The following BANP variants were observed in gnomAD, a reference collection of about 807,000 sequenced individuals.
BANP encodes the protein BTG3 associated nuclear protein, also known as protein BANP.
BANP carries 11 observed loss-of-function variants against 68.1 expected under a neutral mutation model. The ratio of observed to expected loss-of-function variants is 0.16; its 90% CI spans 0.10 to 0.27. BANP has a LOEUF of 0.27. BANP is among the 10% of genes least tolerant of loss of function. The pLI, the probability that BANP is intolerant of heterozygous loss-of-function variation, is 1.00. For synonymous variants in BANP, 329 were observed against 303.2 expected (o/e 1.09, Z -0.88); for missense variants, 504 against 722.7 (o/e 0.70, Z 3.47).
At chr16:88,024,160 G>A (rs535313144) in intron 7 of BANP, among the ~76,000 whole-genome samples, 11 of 152,186 alleles carry the variant, frequency 7.2e-5, no homozygotes, top group Admixed American at 2.6e-4. Flanking sequence ...GCAGAGTCAC[G>A]TGTGCGGGGC....
At chr16:88,048,619 C>T (rs987857849) in intron 11 of BANP, among the ~76,000 whole-genome samples, 1 of 151,642 alleles carries the variant, frequency 6.6e-6, no homozygotes, top group African/African-American at 2.4e-5. Context: ...ATTAAATCTG[C>T]ACTCACCACA....
At chr16:87,981,598 T>C (rs1389884164) in intron 3 of BANP, among the ~76,000 whole-genome samples, 2 of 152,254 alleles carry the variant, frequency 1.3e-5, no homozygotes, top group African/African-American at 4.8e-5. Flanking sequence ...TATATCACTT[T>C]AGGATGTGGC....
chr16:88,069,141 C>T (rs554121741), intron 12 of BANP, among the ~76,000 whole-genome samples: 3 of 152,314 alleles, frequency 2.0e-5, no homozygotes, highest in Non-Finnish European at 2.9e-5. Flanking sequence ...CTGAATGGCG[C>T]GCTGTCGCTG....
chr16:88,013,994 C>A (rs374198819), intron 6 of BANP, among the ~76,000 whole-genome samples: 2 of 152,164 alleles, frequency 1.3e-5, no homozygotes, highest in Non-Finnish European at 2.9e-5. Context: ...AGCTGTGAGC[C>A]GCAAACACAG....
intron 10 of BANP, chr16:88,037,678 A>C: frequency 2.3e-6 from 1 of 426,408 alleles, no homozygotes; most frequent in East Asian, 4.7e-5. Flanking sequence ...TGTGAGTCAG[A>C]TTCTTTCAAA....
chr16:88,021,493 G>T (rs1211389660), intron 7 of BANP, among the ~76,000 whole-genome samples: 6 of 152,182 alleles, frequency 3.9e-5, no homozygotes, highest in Non-Finnish European at 8.8e-5. Context: ...GAGGGGCCTG[G>T]AGCAACTGCT....
At position 88,004,216 on chromosome 16, in the gene BANP, G is replaced by C. The variant is rs1301075241; in HGVS notation, c.363-79G>C. The C allele has an allele frequency of 1.1e-6, 1 of 893,390 alleles. No individual in the cohort carries two copies. The highest frequency in any genetic ancestry group is 2.1e-4 in the Middle Eastern group (1 of 4,738). The allele number at this position is 893,390 out of a possible 1,614,324, so 55.3% of individuals were successfully genotyped here. On this transcript the variant is annotated intron_variant, in intron 4 of 13. Coordinates refer to ENST00000682872, the MANE Select transcript of BANP (RefSeq NM_001386991.1). This position sits in a 1 kb window ranked among gnomAD's most constrained non-coding sequence, Gnocchi z 7.0. ...CGGGTCCCTGGGAGTGGACTGTGTTGAATGACTCTTATGTGCTCTTACCAT... is the reference window on the plus strand; with the variant it reads ...CGGGTCCCTGGGAGTGGACTGTGTTCAATGACTCTTATGTGCTCTTACCAT...
intron 4 of BANP, among the ~76,000 whole-genome samples, chr16:87,995,146 G>A (rs565679100): frequency 6.6e-6 from 1 of 152,360 alleles, no homozygotes; most frequent in East Asian, 1.9e-4. Context: ...CATCAATGGA[G>A]TCTGGCCACA....
Position 87,984,111 on chromosome 16 carries a change from G to A in BANP, c.214G>A (p.Glu72Lys). The change falls in exon 4 of 14, where the codon GAA (glutamate) becomes AAA (lysine). Residue 72 changes from glutamate to lysine, a missense_variant. Around this residue, in one of 3 missense-constraint regions of BANP, gnomAD observed 238 missense variants for 278.9 expected, o/e 0.85. Transcript: ENST00000682872. ...AATCTGCTTGCGGTTGGATAGCATT[G>A]AAGCCAAATTGCAAGCCCTGGAGGC... ...QTICLRLDSI[E>K]AKLQALEATC... The A allele has an allele frequency of 1.2e-6, 2 of 1,613,776 alleles. No homozygotes were observed. The highest frequency in any genetic ancestry group is 2.2e-5 in the East Asian group (1 of 44,884).
At chr16:88,062,724 C>T (rs1345249223) in intron 11 of BANP, among the ~76,000 whole-genome samples, 2 of 152,208 alleles carry the variant, frequency 1.3e-5, no homozygotes, top group Non-Finnish European at 2.9e-5. Flanking sequence ...TTGGAAATGC[C>T]TCAGACTGGG....
chr16:88,039,084 G>A (rs1457504537), intron 11 of BANP, among the ~76,000 whole-genome samples: 1 of 152,148 alleles, frequency 6.6e-6, no homozygotes, highest in African/African-American at 2.4e-5. Flanking sequence ...TGGGCTTTCC[G>A]TTGACCCCTC....
intron 11 of BANP, among the ~76,000 whole-genome samples, chr16:88,058,924 G>A (rs2085898978): frequency 1.3e-5 from 2 of 152,124 alleles, no homozygotes; most frequent in African/African-American, 4.8e-5. Flanking sequence ...GGCCCCTGCC[G>A]GCTTTTCCTT....
At chr16:88,043,750 G>T (rs2081339437) in intron 11 of BANP, among the ~76,000 whole-genome samples, 1 of 152,176 alleles carries the variant, frequency 6.6e-6, no homozygotes, top group Non-Finnish European at 1.5e-5. Context: ...TTCATAGAGG[G>T]AGAGAGTACG....
chr16:87,993,915 T>C (rs574566146), intron 4 of BANP, among the ~76,000 whole-genome samples: 1 of 152,290 alleles, frequency 6.6e-6, no homozygotes, highest in Admixed American at 6.5e-5. Context: ...CACTTTTTAC[T>C]TGCACAGCAC....
chr16:88,015,151 CGTGCCCTCTGCCCGTCCCCTCTGCCT>C (rs2074223668), intron 6 of BANP, among the ~76,000 whole-genome samples: 2 of 141,018 alleles, frequency 1.4e-5, no homozygotes, highest in African/African-American at 2.7e-5. Flanking sequence ...TCCCTTAGCT[CGTGCCCTCTGCCCGTCCCCTCTGCCT>C]GTGCCCTCTG....
intron 4 of BANP, among the ~76,000 whole-genome samples, chr16:87,996,710 C>T (rs139376447): frequency 6.6e-6 from 1 of 152,394 alleles, no homozygotes; most frequent in Non-Finnish European, 1.5e-5. Flanking sequence ...GGCTCTGGTC[C>T]TCAGCGTTGC....
intron 4 of BANP, among the ~76,000 whole-genome samples, chr16:87,998,017 T>G (rs1174422385): frequency 6.6e-6 from 1 of 152,158 alleles, no homozygotes; most frequent in African/African-American, 2.4e-5. Flanking sequence ...TGGATTCTGC[T>G]CTGGGTCGGG....
At chr16:87,966,935 C>T (rs963234993) in intron 1 of BANP, 3 of 152,390 alleles carry the variant, frequency 2.0e-5, no homozygotes, top group Non-Finnish European at 2.9e-5. Context: ...GCCTGGGCTC[C>T]TTCCTTCCAG....
rs1457050691 is a variant in BANP, at chr16:88,076,541, G to T, written c.1522-49G>T. On this transcript the variant is annotated intron_variant, in intron 13 of 13. Coordinates refer to ENST00000682872, the MANE Select transcript of BANP (RefSeq NM_001386991.1). ...GCTGTTCATGACACCCCCTGGCCAT[G>T]CAGTGCTGGGTATTTTTCTAGAAAG... The T allele has an allele frequency of 2.0e-6, 3 of 1,536,774 alleles. 1 individual carries two copies. The Admixed American group carries it at 5.2e-5, about 26-fold the overall frequency.
Sources: allele counts gnomAD v4.1 joint callset (sites outside exome capture counted in the v4.1 genomes callset), GRCh38; gene constraint gnomAD v4.1.1; regional missense constraint gnomAD v4.1.1; non-coding constraint Gnocchi (gnomAD v3.1); transcripts MANE v1.5; gene names NCBI Gene and HGNC (gene_info 2026-07-23, HGNC 2026-07-21).